HPSE2: variants seen among roughly 807,000 people sequenced by gnomAD.
HPSE2 encodes the protein heparanase 2 (inactive), also known as inactive heparanase-2.
Under a neutral mutation model 60.5 loss-of-function variants are expected in HPSE2, and 38 were observed. That is an observed-to-expected ratio of 0.63 (90% CI 0.48 to 0.82). The LOEUF (loss-of-function observed/expected upper bound fraction) is 0.82, where lower values mean the gene tolerates loss of function less well. HPSE2 is among the 40% of genes least tolerant of loss of function. The pLI, the probability that HPSE2 is intolerant of heterozygous loss-of-function variation, is 0.00. For synonymous variants in HPSE2, 295 were observed against 293.2 expected (o/e 1.01, Z -0.06); for missense variants, 713 against 740.4 (o/e 0.96, Z 0.43).
chr10:98,709,166 A>T (rs1948618263), intron 5 of HPSE2, among the ~76,000 whole-genome samples: 1 of 152,186 alleles, frequency 6.6e-6, no homozygotes, highest in Non-Finnish European at 1.5e-5. Flanking sequence ...GGCCCAAACC[A>T]CATAAATGAA....
At position 98,457,646 on chromosome 10, in the gene HPSE2, C is replaced by G. The variant is rs1940105540; in HGVS notation, c.*1928G>C. On this transcript the variant is annotated 3_prime_UTR_variant, in exon 12 of 12. Transcript: ENST00000370552. Reference sequence around the variant, plus strand: ...CTTTTAGTCTCATTTCTCTTTTCCTCTCTTTTCCTCACTTTGGCCTGTCAA... The same window carrying G: ...CTTTTAGTCTCATTTCTCTTTTCCTGTCTTTTCCTCACTTTGGCCTGTCAA... The G allele has an allele frequency of 6.6e-6, 1 of 152,404 alleles. No individual in the cohort carries two copies. The highest frequency in any genetic ancestry group is 2.4e-5 in the African/African-American group (1 of 41,430). The allele number at this position is 152,404 out of a possible 1,614,324, so 9.4% of individuals were successfully genotyped here.
intron 8 of HPSE2, 91 bp from the exon 9 acceptor site, chr10:98,615,109 C>A (rs1487587682): frequency 4.6e-6 from 4 of 874,018 alleles, no homozygotes; most frequent in Non-Finnish European, 5.8e-6. Context: ...TACACATATA[C>A]ACCAATCTCC....
At chr10:99,286,578 G>C in the HPSE2 span, among the ~76,000 whole-genome samples, 1 of 152,174 alleles carries the variant, frequency 6.6e-6, no homozygotes, top group African/African-American at 2.4e-5. Context: ...AAGACTTTCA[G>C]TATGGGGTGA....
chr10:98,761,398 C>A (rs1195949758), intron 3 of HPSE2, among the ~76,000 whole-genome samples: 1 of 152,016 alleles, frequency 6.6e-6, no homozygotes, highest in East Asian at 1.9e-4. Context: ...CTGTTCTCGT[C>A]TTTATTATTT....
the HPSE2 span, among the ~76,000 whole-genome samples, chr10:99,312,340 T>G: frequency 6.6e-6 from 1 of 152,342 alleles, no homozygotes; most frequent in East Asian, 1.9e-4. Context: ...CTTCAAAAGA[T>G]AGGCTGACTC....
At chr10:99,015,929 T>C (rs1317791355) in intron 3 of HPSE2, among the ~76,000 whole-genome samples, 1 of 152,238 alleles carries the variant, frequency 6.6e-6, no homozygotes, top group South Asian at 2.1e-4. Context: ...TCCTTGTAGA[T>C]GCTGGATAGT....
intron 6 of HPSE2, among the ~76,000 whole-genome samples, chr10:98,658,296 T>C (rs1947131092): frequency 2.0e-5 from 3 of 152,272 alleles, no homozygotes; most frequent in Non-Finnish European, 1.5e-5. Context: ...TTATAATTCA[T>C]AAATGAATGA....
At chr10:99,218,444 ACT>A (rs1192035105) in intron 2 of HPSE2, among the ~76,000 whole-genome samples, 1 of 151,710 alleles carries the variant, frequency 6.6e-6, no homozygotes, top group Non-Finnish European at 1.5e-5. Context: ...TGTGTCCTCG[ACT>A]CTCTTTTCCC....
rs949499729 is a variant in HPSE2, at chr10:98,690,476, C to A, written c.1004+3424G>T. On this transcript the variant is annotated intron_variant, in intron 6 of 11. Transcript: ENST00000370552. The stretch of plus-strand genomic sequence containing the variant: ...GAATGGCATGAACTGGGAGGTGGAG[C>A]TTGCAGTGAGCCAAGATCGTGCCAT... 4.6e-5 allele frequency among the ~76,000 whole-genome samples: 7 copies of A among 152,172 alleles called. No homozygotes were observed. In the South Asian group the frequency reaches 1.5e-3, roughly 32 times the overall value.
intron 3 of HPSE2, among the ~76,000 whole-genome samples, chr10:98,980,745 C>T (rs539463452): frequency 9.9e-5 from 15 of 152,260 alleles, no homozygotes; most frequent in Middle Eastern, 6.8e-3. Context: ...AGTATGGACG[C>T]TTTCTCAGGC....
the HPSE2 span, among the ~76,000 whole-genome samples, chr10:99,246,441 G>A: frequency 6.6e-6 from 1 of 152,176 alleles, no homozygotes; most frequent in African/African-American, 2.4e-5. Flanking sequence ...CACAATAAGG[G>A]ATTATGACTT....
intron 4 of HPSE2, among the ~76,000 whole-genome samples, chr10:98,727,741 A>G (rs1330344310): frequency 1.3e-5 from 2 of 151,882 alleles, no homozygotes; most frequent in East Asian, 3.9e-4. Flanking sequence ...ATGATTCATC[A>G]AATAGAAATA....
chr10:98,735,405 G>A (rs1269212141), intron 4 of HPSE2, among the ~76,000 whole-genome samples: 1 of 150,538 alleles, frequency 6.6e-6, no homozygotes, highest in Non-Finnish European at 1.5e-5. Flanking sequence ...TTTGCTACAG[G>A]GGTGAAGCCC....
chr10:98,816,075 GC>G (rs1317442816), intron 3 of HPSE2, among the ~76,000 whole-genome samples: 3 of 150,772 alleles, frequency 2.0e-5, no homozygotes, highest in Non-Finnish European at 4.4e-5. Flanking sequence ...TATACCTAAT[GC>G]TAAATGACGA....
intron 9 of HPSE2, among the ~76,000 whole-genome samples, chr10:98,516,389 T>C (rs1346878036): frequency 2.0e-5 from 3 of 152,214 alleles, no homozygotes; most frequent in African/African-American, 2.4e-5. Flanking sequence ...ACTAAAATTA[T>C]GTAGCTAAAT....
At chr10:98,953,587 G>A (rs1489102805) in intron 3 of HPSE2, among the ~76,000 whole-genome samples, 4 of 152,070 alleles carry the variant, frequency 2.6e-5, no homozygotes, top group African/African-American at 7.2e-5. Context: ...CAGAGTACAC[G>A]CTCCACATTG....
intron 3 of HPSE2, among the ~76,000 whole-genome samples, chr10:99,005,739 T>C (rs755790121): frequency 2.6e-5 from 4 of 152,178 alleles, no homozygotes; most frequent in Non-Finnish European, 5.9e-5. Context: ...TTTCCTCTTA[T>C]CTTACATTGA....
At chr10:98,473,153 A>G (rs1376975710) in intron 11 of HPSE2, among the ~76,000 whole-genome samples, 2 of 152,098 alleles carry the variant, frequency 1.3e-5, no homozygotes, top group Non-Finnish European at 2.9e-5. Context: ...TTCCTCCTCC[A>G]TCTCAGACCT....
At chr10:99,002,898 A>G (rs1297942023) in intron 3 of HPSE2, among the ~76,000 whole-genome samples, 1 of 152,096 alleles carries the variant, frequency 6.6e-6, no homozygotes, top group East Asian at 1.9e-4. Context: ...TGTGATGAGA[A>G]CACTTAAAAT....
Sources: allele counts gnomAD v4.1 joint callset (sites outside exome capture counted in the v4.1 genomes callset), GRCh38; gene constraint gnomAD v4.1.1; transcripts MANE v1.5; gene names NCBI Gene and HGNC (gene_info 2026-07-23, HGNC 2026-07-21).